Variants in AMZ1 observed in about 807,000 individuals in gnomAD.
The protein encoded by AMZ1 is archaelysin family metallopeptidase 1, also known as archaemetzincin-1.
In AMZ1, 39 loss-of-function variants were observed where a neutral mutation model predicts 29.9. That is an observed-to-expected ratio of 1.30 (90% confidence interval 1.01 to 1.70). AMZ1 has a LOEUF of 1.70. Ranked by LOEUF, AMZ1 falls within the 40% of genes most tolerant of loss-of-function variation. The probability of loss-of-function intolerance (pLI) is 0.00; values close to 1 mark genes in which losing one functional copy is unlikely to be tolerated. For missense variants in AMZ1, 1,041 were observed against 680.6 expected (o/e 1.53, Z -5.89); for synonymous variants, 458 against 304.0 (o/e 1.51, Z -5.27).
At chr7:2,682,391 C>T (rs1786914557) in intron 1 of AMZ1, among the ~76,000 whole-genome samples, 1 of 152,168 alleles carries the variant, frequency 6.6e-6, no homozygotes. Flanking sequence ...AATGGCTGCC[C>T]AGGAGGCCTC....
intron 4 of AMZ1, among the ~76,000 whole-genome samples, chr7:2,753,424 C>G (rs1791133489): frequency 6.6e-6 from 1 of 151,882 alleles, no homozygotes; most frequent in Admixed American, 6.6e-5. Context: ...AGGTGTGAGC[C>G]CCTGCACCTG....
rs909995528 is a variant in AMZ1 at position 2,712,715 on chromosome 7, G to C, written c.1334G>C (p.Gly445Ala). The C allele has an allele frequency of 1.9e-6, 3 of 1,609,692 alleles. No homozygotes were observed. Among genetic ancestry groups the C allele is most frequent in the Non-Finnish European group, 2.5e-6 (3 of 1,178,058 alleles). Residue 445 changes from glycine to alanine, a missense_variant, in exon 7 of 7, where the codon GGC becomes GCC. Physicochemically the swap from Gly to Ala is moderately conservative, Grantham distance 60 (BLOSUM62 0). Coordinates refer to ENST00000683327, the MANE Select transcript of AMZ1 (RefSeq NM_001384743.1). ...DALDRWEMFTGQLPATRQDPP... is the reference protein window; with the variant it reads ...DALDRWEMFTAQLPATRQDPP... Reference sequence around the variant, plus strand: ...CTCGACCGCTGGGAGATGTTCACGGGCCAGCTCCCGGCCACCAGGCAGGAC... The same window carrying C: ...CTCGACCGCTGGGAGATGTTCACGGCCCAGCTCCCGGCCACCAGGCAGGAC...
chr7:2,700,931 C>T (rs73281171), intron 2 of AMZ1, among the ~76,000 whole-genome samples, 176 bp downstream of exon 2: 1 of 152,152 alleles, frequency 6.6e-6, no homozygotes, highest in African/African-American at 2.4e-5. Flanking sequence ...GGCTTCCTTC[C>T]TCCCACCCCA....
At chr7:2,736,593 C>T (rs918642036) in intron 4 of AMZ1, among the ~76,000 whole-genome samples, 2 of 152,194 alleles carry the variant, frequency 1.3e-5, no homozygotes, top group African/African-American at 4.8e-5. Flanking sequence ...CTGTATTGGG[C>T]ACAGCCGGGC....
intron 4 of AMZ1, among the ~76,000 whole-genome samples, 165 bp downstream of exon 4, chr7:2,708,881 T>C (rs1788549781): frequency 6.6e-6 from 1 of 152,170 alleles, no homozygotes; most frequent in African/African-American, 2.4e-5. Flanking sequence ...TCCTGAGGAA[T>C]GGCATAGGGG....
intron 4 of AMZ1, among the ~76,000 whole-genome samples, chr7:2,750,482 G>T (rs369175793): frequency 6.6e-6 from 1 of 152,180 alleles, no homozygotes. Context: ...TATCTATATT[G>T]TTTTTCCCTT....
upstream of AMZ1, among the ~76,000 whole-genome samples, chr7:2,764,376 T>C (rs1383894751): frequency 6.6e-6 from 1 of 151,920 alleles, no homozygotes; most frequent in Admixed American, 6.6e-5. Flanking sequence ...TGCTCCCGCA[T>C]CCAGGCAGTC....
intron 1 of AMZ1, among the ~76,000 whole-genome samples, chr7:2,689,398 C>T (rs915031119): frequency 6.6e-6 from 1 of 151,126 alleles, no homozygotes; most frequent in African/African-American, 2.4e-5. Context: ...GTGCTCTTTT[C>T]CAGTCTTTGG....
At chr7:2,757,824 A>C (rs1791374700) in intron 4 of AMZ1, among the ~76,000 whole-genome samples, 1 of 152,160 alleles carries the variant, frequency 6.6e-6, no homozygotes, top group African/African-American at 2.4e-5. Flanking sequence ...TTGCTGAGTC[A>C]ATGAAGACAT....
chr7:2,685,726 G>A (rs1022225520), upstream of AMZ1, among the ~76,000 whole-genome samples: 11 of 151,002 alleles, frequency 7.3e-5, no homozygotes, highest in East Asian at 5.9e-4. Context: ...GATGGCAGGC[G>A]CCTGTAGTCC....
intron 1 of AMZ1, among the ~76,000 whole-genome samples, chr7:2,688,547 AGGGAAGGGCCACGCGCC>A (rs1787189802): frequency 2.0e-5 from 3 of 152,220 alleles, no homozygotes. Flanking sequence ...AGGCCGGGCC[AGGGAAGGGCCACGCGCC>A]CCCTCCCCGC....
chr7:2,696,257 AT>A (rs527280174), intron 1 of AMZ1, among the ~76,000 whole-genome samples: 342 of 122,026 alleles, frequency 2.8e-3, no homozygotes, highest in African/African-American at 8.0e-3. Context: ...CTTGATAGTC[AT>A]TTTTTTTTTT....
exon 1 of AMZ1, chr7:2,764,813 A>T (rs1297582129): frequency 6.6e-6 from 1 of 152,216 alleles, no homozygotes; most frequent in Non-Finnish European, 1.5e-5. Context: ...CCCTGAAGGG[A>T]ACACTGAGAC....
chr7:2,727,439 G>T (rs115699719), intron 4 of AMZ1, among the ~76,000 whole-genome samples: 1 of 152,060 alleles, frequency 6.6e-6, no homozygotes, highest in Non-Finnish European at 1.5e-5. Flanking sequence ...TGCAGAGTGC[G>T]ATCGCAGCTC....
In AMZ1 at chr7:2,718,235, G is replaced by A. The variant is rs1374351829; in HGVS notation, c.*5357G>A. Among the ~76,000 whole-genome samples the A allele has an allele frequency of 1.3e-5, 2 of 152,218 alleles. No individual in the cohort carries two copies. Among genetic ancestry groups the A allele is most frequent in the Non-Finnish European group, 2.9e-5 (2 of 68,038 alleles). On this transcript the variant is annotated 3_prime_UTR_variant, in exon 7 of 7. Transcript: ENST00000683327. ...GGCTCCACCCTGGGGCTCCTCTGAT[G>A]CCGAGAGCTCTGGCTCTCCTGACTG...
At chr7:2,692,274 C>G (rs183608626) in intron 1 of AMZ1, among the ~76,000 whole-genome samples, 3 of 152,156 alleles carry the variant, frequency 2.0e-5, no homozygotes, top group African/African-American at 7.2e-5. Context: ...GGCGTGGTGG[C>G]TCACGCCTGT....
rs1434652825 is a variant in AMZ1, at chr7:2,712,557, G to T, written c.1176G>T (p.Glu392Asp). 3.7e-6 allele frequency: 6 copies of T among 1,610,298 alleles called. No homozygotes were observed. In the Admixed American group the frequency reaches 5.0e-5, roughly 13 times the overall value. ...GGCTGAGCTACCTGGCAGCCTCAGA[G>T]GCTCCGCTGCCACCTGGGGGCCCTG... Reference protein sequence around the residue: ...EEGLSYLAASEAPLPPGGPAE... With the variant: ...EEGLSYLAASDAPLPPGGPAE... The change falls in exon 7 of 7, where the codon GAG becomes GAT. Residue 392 changes from glutamate (E) to aspartate (D), a missense_variant. Coordinates refer to ENST00000683327, the MANE Select transcript of AMZ1 (RefSeq NM_001384743.1).
rs1489717266 is a variant in AMZ1 at position 2,718,229 on chromosome 7, T to C, written c.*5351T>C. Among the ~76,000 whole-genome samples, 1 of 152,232 alleles carries C rather than the reference T, an allele frequency of 6.6e-6. No individual in the cohort carries two copies. Among genetic ancestry groups the C allele is most frequent in the African/African-American group, 2.4e-5 (1 of 41,468 alleles). On this transcript the variant is annotated 3_prime_UTR_variant, in exon 7 of 7. Coordinates refer to ENST00000683327, the MANE Select transcript of AMZ1 (RefSeq NM_001384743.1). Reference sequence around the variant, plus strand: ...TCACGTGGCTCCACCCTGGGGCTCCTCTGATGCCGAGAGCTCTGGCTCTCC... The same window carrying C: ...TCACGTGGCTCCACCCTGGGGCTCCCCTGATGCCGAGAGCTCTGGCTCTCC...
chr7:2,704,433 G>A (rs1211367026), intron 3 of AMZ1, among the ~76,000 whole-genome samples: 2 of 151,728 alleles, frequency 1.3e-5, no homozygotes, highest in Admixed American at 6.6e-5. Context: ...AGCTGTGATC[G>A]TGCTACTGTA....
Sources: allele counts gnomAD v4.1 joint callset (sites outside exome capture counted in the v4.1 genomes callset), GRCh38; gene constraint gnomAD v4.1.1; transcripts MANE v1.5; gene names NCBI Gene and HGNC (gene_info 2026-07-23, HGNC 2026-07-21).